The following NKAIN3 variants were observed in gnomAD, a reference collection of about 807,000 sequenced individuals.
NKAIN3 encodes sodium/potassium-transporting ATPase subunit beta-1-interacting protein 3.
NKAIN3 carries 25 observed loss-of-function variants against 30.2 expected under a neutral mutation model. The ratio of observed to expected loss-of-function variants is 0.83; its 90% confidence interval spans 0.60 to 1.16. The LOEUF (loss-of-function observed/expected upper bound fraction) is 1.16, where lower values mean the gene tolerates loss of function less well. Among genes scored for constraint, NKAIN3 ranks in the 50% most tolerant of loss-of-function variants. The pLI, the probability that NKAIN3 is intolerant of heterozygous loss-of-function variation, is 0.00. For synonymous variants in NKAIN3, 91 were observed against 89.6 expected, an observed-to-expected ratio of 1.02 and a Z score of -0.09; for missense variants, 225 against 254.1, an observed-to-expected ratio of 0.89 and a Z score of 0.78.
intron 1 of NKAIN3, among the ~76,000 whole-genome samples, chr8:62,367,771 C>T (rs1478587969): frequency 6.6e-6 from 1 of 151,962 alleles, no homozygotes; most frequent in Non-Finnish European, 1.5e-5. Flanking sequence ...AATAAAAGAC[C>T]TCCAAATTGG....
At chr8:62,571,439 T>C (rs886421723) in intron 1 of NKAIN3, among the ~76,000 whole-genome samples, 4 of 152,130 alleles carry the variant, frequency 2.6e-5, no homozygotes, top group Non-Finnish European at 5.9e-5. Flanking sequence ...GGGCTAATGT[T>C]GAGTGTCTGC....
rs545032267 is a variant in NKAIN3 at position 62,917,163 on chromosome 8, G to T, written c.472-1290G>T. On this transcript the variant is annotated intron_variant, in intron 4 of 6. Transcript: ENST00000623646. ...GGCTAAGGGCACACACACACATCCT[G>T]CCCTGCCAATTCCACCCAGTCCTGT... 1.9e-4 allele frequency among the ~76,000 whole-genome samples: 29 copies of T among 152,060 alleles called. No individual in the cohort carries two copies. The South Asian group carries it at 6.0e-3, about 32-fold the overall frequency.
chr8:62,852,711 A>T (rs937068025), intron 4 of NKAIN3, among the ~76,000 whole-genome samples: 1 of 151,780 alleles, frequency 6.6e-6, no homozygotes, highest in Admixed American at 6.6e-5. Context: ...TTCGTTATGT[A>T]CCCAGTAGTC....
At chr8:62,823,807 T>TTCGGGC (rs1818931501) in intron 4 of NKAIN3, among the ~76,000 whole-genome samples, 3 of 152,130 alleles carry the variant, frequency 2.0e-5, no homozygotes, top group African/African-American at 4.8e-5. Context: ...GGTAGTGTCA[T>TTCGGGC]TCAGGCTCAA....
intron 3 of NKAIN3, among the ~76,000 whole-genome samples, chr8:62,716,281 C>T (rs552937408): frequency 2.6e-5 from 4 of 152,182 alleles, no homozygotes; most frequent in East Asian, 3.9e-4. Flanking sequence ...CGTGTCATCC[C>T]GACTTTAGAG....
intron 3 of NKAIN3, among the ~76,000 whole-genome samples, chr8:62,602,536 T>C (rs992146158): frequency 1.3e-5 from 2 of 152,120 alleles, no homozygotes; most frequent in Admixed American, 6.6e-5. Context: ...AAACATTGTA[T>C]ACAGAGTCTA....
chr8:62,609,725 G>A (rs909769645), intron 3 of NKAIN3, among the ~76,000 whole-genome samples: 4 of 152,112 alleles, frequency 2.6e-5, no homozygotes. Flanking sequence ...GGAGTTGAGA[G>A]GCCTTGGTGG....
intron 5 of NKAIN3, among the ~76,000 whole-genome samples, chr8:62,935,111 A>T (rs765558526): frequency 2.0e-5 from 3 of 152,190 alleles, no homozygotes; most frequent in Non-Finnish European, 4.4e-5. Flanking sequence ...AATGTGGCAC[A>T]CTAATGAATT....
At chr8:62,805,559 C>T (rs2130703362) in intron 4 of NKAIN3, among the ~76,000 whole-genome samples, 1 of 152,132 alleles carries the variant, frequency 6.6e-6, no homozygotes, top group South Asian at 2.1e-4. Context: ...GGAAAGGATT[C>T]CCTATTTAAT....
chr8:62,523,405 TG>T (rs1677629780), intron 1 of NKAIN3, among the ~76,000 whole-genome samples: 1 of 152,136 alleles, frequency 6.6e-6, no homozygotes, highest in Admixed American at 6.6e-5. Flanking sequence ...TGCTTGACCT[TG>T]GGCCATAATA....
At chr8:62,531,386 A>C (rs1045380873) in intron 1 of NKAIN3, among the ~76,000 whole-genome samples, 1 of 152,142 alleles carries the variant, frequency 6.6e-6, no homozygotes, top group African/African-American at 2.4e-5. Context: ...CTTATCCCTA[A>C]AACATCACAT....
intron 1 of NKAIN3, among the ~76,000 whole-genome samples, chr8:62,501,226 T>G (rs1158096038): frequency 6.6e-6 from 1 of 152,096 alleles, no homozygotes; most frequent in African/African-American, 2.4e-5. Flanking sequence ...ACATGGGAGA[T>G]AAAGGAAGAA....
intron 3 of NKAIN3, among the ~76,000 whole-genome samples, chr8:62,721,111 G>A (rs927878415): frequency 4.6e-5 from 7 of 152,014 alleles, no homozygotes; most frequent in African/African-American, 1.2e-4. Context: ...TACTTTTTAC[G>A]TAGCCCCATC....
chr8:62,450,861 A>G (rs1002567745), intron 1 of NKAIN3, among the ~76,000 whole-genome samples: 2 of 152,168 alleles, frequency 1.3e-5, no homozygotes, highest in African/African-American at 4.8e-5. Flanking sequence ...GTGGTGTGAT[A>G]TATTTTGAAC....
intron 3 of NKAIN3, among the ~76,000 whole-genome samples, chr8:62,625,145 A>G (rs1811753310): frequency 1.3e-5 from 2 of 152,068 alleles, no homozygotes; most frequent in South Asian, 4.1e-4. Flanking sequence ...GCCTTCTAGC[A>G]TTTGTTATAA....
chr8:62,601,584 G>A (rs1810985450), intron 3 of NKAIN3, among the ~76,000 whole-genome samples: 1 of 151,822 alleles, frequency 6.6e-6, no homozygotes, highest in South Asian at 2.1e-4. Flanking sequence ...TATGTATCCT[G>A]CTGAGCTAAA....
At chr8:62,834,653 C>G (rs1819304447) in intron 4 of NKAIN3, among the ~76,000 whole-genome samples, 1 of 151,906 alleles carries the variant, frequency 6.6e-6, no homozygotes, top group Non-Finnish European at 1.5e-5. Context: ...ACAAAGAGAA[C>G]TATAAAACAC....
intron 3 of NKAIN3, among the ~76,000 whole-genome samples, chr8:62,687,156 A>C (rs879801618): frequency 2.6e-4 from 39 of 152,382 alleles, no homozygotes; most frequent in Admixed American, 1.2e-3. Flanking sequence ...ACTCCATCAC[A>C]TGATCACATT....
intron 1 of NKAIN3, among the ~76,000 whole-genome samples, chr8:62,464,074 A>G (rs981775029): frequency 7.1e-4 from 108 of 152,310 alleles, no homozygotes; most frequent in African/African-American, 2.3e-3. Context: ...GTGAATCACA[A>G]TGCACCACTG....
Sources: allele counts gnomAD v4.1 joint callset (sites outside exome capture counted in the v4.1 genomes callset), GRCh38; gene constraint gnomAD v4.1.1; transcripts MANE v1.5; gene names NCBI Gene and HGNC (gene_info 2026-07-23, HGNC 2026-07-21).